BMPR1B: variants seen among roughly 807,000 people sequenced by gnomAD.
BMPR1B encodes the protein bone morphogenetic protein receptor type-1B.
In BMPR1B, 12 loss-of-function variants were observed where a neutral mutation model predicts 59.1. The observed-to-expected ratio is 0.20, with a 90% CI of 0.13 to 0.33. The LOEUF (loss-of-function observed/expected upper bound fraction) is 0.33. BMPR1B is among the 10% of genes least tolerant of loss of function. BMPR1B has a pLI of 1.00. For synonymous variants in BMPR1B, 237 were observed against 207.3 expected (o/e 1.14, Z -1.23); for missense variants, 550 against 610.9 (o/e 0.90, Z 1.05).
intron 1 of BMPR1B, among the ~76,000 whole-genome samples, chr4:94,808,911 C>T (rs371318428): frequency 5.3e-4 from 80 of 151,958 alleles, no homozygotes; most frequent in Admixed American, 3.1e-3. Flanking sequence ...AAAAATTAGC[C>T]GGGTGTGGTG....
chr4:94,851,867 A>C (rs13149777), intron 1 of BMPR1B, among the ~76,000 whole-genome samples: 92,365 of 151,868 alleles, frequency 0.61, 28,953 homozygotes, highest in African/African-American at 0.76. Flanking sequence ...TAGATTTAAA[A>C]CTGTCTGTAA....
intron 2 of BMPR1B, among the ~76,000 whole-genome samples, chr4:94,934,297 C>A (rs996804328): frequency 6.6e-6 from 1 of 151,984 alleles, no homozygotes; most frequent in Non-Finnish European, 1.5e-5. Flanking sequence ...ATTTAAATTT[C>A]CCTTAGATAA....
intron 3 of BMPR1B, among the ~76,000 whole-genome samples, chr4:95,000,483 C>A (rs934196868): frequency 6.7e-6 from 1 of 149,838 alleles, no homozygotes; most frequent in Non-Finnish European, 1.5e-5. Flanking sequence ...TCCAGCCTGG[C>A]GACAGAGCAA....
At chr4:94,915,149 A>G (rs1728433233) in intron 2 of BMPR1B, among the ~76,000 whole-genome samples, 1 of 152,206 alleles carries the variant, frequency 6.6e-6, no homozygotes, top group Admixed American at 6.5e-5. Flanking sequence ...TGTGACATTA[A>G]AGGTATTATC....
At chr4:95,087,318 A>G (rs1386038759) in intron 3 of BMPR1B, among the ~76,000 whole-genome samples, 1 of 152,182 alleles carries the variant, frequency 6.6e-6, no homozygotes, top group African/African-American at 2.4e-5. Context: ...AATTATATTT[A>G]ATTTTATAGT....
At chr4:94,979,677 C>T (rs78524268) in intron 2 of BMPR1B, among the ~76,000 whole-genome samples, 3,448 of 152,270 alleles carry the variant, frequency 0.023, 124 homozygotes, top group African/African-American at 0.074. Context: ...TCTCAAAATT[C>T]ATCTTTTCAA....
intron 1 of BMPR1B, among the ~76,000 whole-genome samples, chr4:94,821,742 T>C (rs753327730): frequency 6.6e-6 from 1 of 152,228 alleles, no homozygotes; most frequent in African/African-American, 2.4e-5. Flanking sequence ...GTAATAAGGA[T>C]AAGGCTTATA....
intron 1 of BMPR1B, among the ~76,000 whole-genome samples, chr4:94,789,630 C>CA (rs1418814824): frequency 6.6e-6 from 1 of 151,980 alleles, no homozygotes; most frequent in Non-Finnish European, 1.5e-5. Context: ...AAGTCATTAG[C>CA]AAAAAACCAT....
At chr4:94,790,130 G>C (rs1722921483) in intron 1 of BMPR1B, among the ~76,000 whole-genome samples, 1 of 152,152 alleles carries the variant, frequency 6.6e-6, no homozygotes, top group Admixed American at 6.6e-5. Flanking sequence ...TATTGGTAAG[G>C]TTTCTAGTCA....
intron 2 of BMPR1B, among the ~76,000 whole-genome samples, chr4:94,908,189 T>C (rs945609147): frequency 6.6e-6 from 1 of 150,692 alleles, no homozygotes; most frequent in Non-Finnish European, 1.5e-5. Flanking sequence ...GACAAGAAGA[T>C]ATTTTTCATA....
intron 2 of BMPR1B, among the ~76,000 whole-genome samples, chr4:94,895,012 A>G (rs947848493): frequency 4.6e-5 from 7 of 151,656 alleles, no homozygotes; most frequent in African/African-American, 7.3e-5. Flanking sequence ...ATACAGAAGA[A>G]TAACAGTAGA....
At chr4:95,032,679 T>G (rs1053890608) in intron 3 of BMPR1B, among the ~76,000 whole-genome samples, 1 of 152,166 alleles carries the variant, frequency 6.6e-6, no homozygotes, top group African/African-American at 2.4e-5. Context: ...AGTTTATCCA[T>G]GTTGTAGTAT....
intron 3 of BMPR1B, among the ~76,000 whole-genome samples, chr4:95,056,172 G>A (rs1255707909): frequency 1.3e-5 from 2 of 151,998 alleles, no homozygotes; most frequent in Admixed American, 6.6e-5. Flanking sequence ...GGTCCAGATG[G>A]CCTCTTTTGG....
intron 4 of BMPR1B, among the ~76,000 whole-genome samples, chr4:95,112,822 TC>T (rs1307142863): frequency 1.3e-5 from 2 of 152,106 alleles, no homozygotes; most frequent in African/African-American, 4.8e-5. Context: ...ACCAGCTTTT[TC>T]TGTTCCATTT....
intron 3 of BMPR1B, among the ~76,000 whole-genome samples, chr4:95,014,990 G>A (rs1723488074): frequency 6.6e-6 from 1 of 152,186 alleles, no homozygotes; most frequent in South Asian, 2.1e-4. Flanking sequence ...GCTTGCAGGT[G>A]TGGTCCATGG....
rs138200791 is a variant in BMPR1B at position 95,078,450 on chromosome 4, C to G, written c.-17-25958C>G. 4.0e-3 allele frequency among the ~76,000 whole-genome samples: 611 copies of G among 152,252 alleles called. 4 individuals carry two copies. The highest frequency in any genetic ancestry group is 0.014 in the African/African-American group (590 of 41,556). ...CATTTACTGTATCTCAGGCACTGGG[C>G]TCTGTACTAAGTGCGTTATATCATA... On this transcript the variant is annotated intron_variant, in intron 3 of 12. Transcript: ENST00000515059.
chr4:94,996,254 T>TAGGA (rs1423838041), intron 3 of BMPR1B, 120 bp downstream of exon 3: 2 of 152,264 alleles, frequency 1.3e-5, no homozygotes, highest in African/African-American at 2.4e-5. Context: ...GGCTGCCTGC[T>TAGGA]GGGTAAGAAT....
At position 94,975,001 on chromosome 4, in the gene BMPR1B, G is replaced by C. The variant is rs557826962; in HGVS notation, c.-112-21039G>C. Among the ~76,000 whole-genome samples the C allele has an allele frequency of 7.9e-5, 12 of 152,306 alleles. No individual in the cohort carries two copies. In the South Asian group the frequency reaches 2.5e-3, roughly 32 times the overall value. ...CAGATTACACATAGCCCAAGATATA[G>C]CCAGGAAACCACTTCACTAACTGTA... is the stretch of plus-strand genomic sequence containing the variant. On this transcript the variant is annotated intron_variant, in intron 2 of 12. Coordinates refer to ENST00000515059, the MANE Select transcript of BMPR1B (RefSeq NM_001203.3).
chr4:95,024,535 A>T (rs1405621958), intron 3 of BMPR1B, among the ~76,000 whole-genome samples: 2 of 152,188 alleles, frequency 1.3e-5, no homozygotes, highest in African/African-American at 4.8e-5. Context: ...GCTTATTGTC[A>T]CATCATAAAT....
Sources: allele counts gnomAD v4.1 joint callset (sites outside exome capture counted in the v4.1 genomes callset), GRCh38; gene constraint gnomAD v4.1.1; transcripts MANE v1.5; gene names NCBI Gene and HGNC (gene_info 2026-07-23, HGNC 2026-07-21).